Variants in OMA1 observed in about 807,000 individuals in gnomAD.
The protein encoded by OMA1 is metalloendopeptidase OMA1, mitochondrial.
In OMA1, 38 loss-of-function variants were observed where a neutral mutation model predicts 30.9. The observed-to-expected ratio is 1.23, with a 90% CI of 0.95 to 1.61. The LOEUF (loss-of-function observed/expected upper bound fraction) is 1.61. OMA1 is among the 40% of genes most tolerant of loss of function. OMA1 has a pLI of 0.00. For synonymous variants in OMA1, 173 were observed against 121.9 expected, an observed-to-expected ratio of 1.42 and a Z score of -2.76; for missense variants, 461 against 349.2, an observed-to-expected ratio of 1.32 and a Z score of -2.55.
intron 8 of OMA1, among the ~76,000 whole-genome samples, chr1:58,491,885 G>T (rs1645699397): frequency 6.6e-6 from 1 of 152,116 alleles, no homozygotes; most frequent in African/African-American, 2.4e-5. Flanking sequence ...GGATATCCAG[G>T]AATTGAACTC....
intron 2 of OMA1, among the ~76,000 whole-genome samples, chr1:58,538,540 A>C (rs1429256404): frequency 6.6e-6 from 1 of 152,170 alleles, no homozygotes; most frequent in Non-Finnish European, 1.5e-5. Context: ...TTTTAAAGAG[A>C]TATTTCTATA....
At chr1:58,541,868 T>A (rs1646627174) in intron 1 of OMA1, among the ~76,000 whole-genome samples, 2 of 152,146 alleles carry the variant, frequency 1.3e-5, no homozygotes, top group African/African-American at 4.8e-5. Flanking sequence ...AAACAAAATA[T>A]CAGCAATCAT....
intron 8 of OMA1, among the ~76,000 whole-genome samples, chr1:58,497,431 T>C (rs1645822004): frequency 6.6e-6 from 1 of 152,174 alleles, no homozygotes; most frequent in African/African-American, 2.4e-5. Context: ...GTTATGATTA[T>C]GGAAGAAAAT....
In OMA1 at chr1:58,527,334, T is replaced by A; in HGVS notation, c.1142A>T (p.Tyr381Phe). The change falls in exon 7 of 9, where the codon TAT becomes TTT. Residue 381 changes from tyrosine (Y) to phenylalanine (F), a missense_variant and splice_region_variant. Transcript: ENST00000371226. ...CQWIQSKLQE[Y>F]MFNRPYSRKL... The stretch of plus-strand genomic sequence containing the variant: ...TCTGCTGTATGGTCTATTAAACATA[T>A]ACTAAGAAGAAATGACAGAAAAGCT... 1.1e-6 allele frequency: 1 copy of A among 871,664 alleles called. No homozygotes were observed. The allele number at this position is 871,664 out of a possible 1,614,324, so 54.0% of individuals were successfully genotyped here.
At chr1:58,533,261 G>T (rs1646464687) in intron 5 of OMA1, among the ~76,000 whole-genome samples, 1 of 152,212 alleles carries the variant, frequency 6.6e-6, no homozygotes, top group African/African-American at 2.4e-5. Context: ...CCAGGTAACT[G>T]TAGTGAAAGG....
At chr1:58,534,124 A>G (rs774299098) in intron 4 of OMA1, 34 bp downstream of exon 4, 2 of 867,112 alleles carry the variant, frequency 2.3e-6, no homozygotes, top group African/African-American at 1.6e-5. Flanking sequence ...CAATAAATTT[A>G]ACAATTACAA....
At position 58,538,924 on chromosome 1, in the gene OMA1, G is replaced by A. The variant is rs1250637279; in HGVS notation, c.371C>T (p.Pro124Leu). ...AGCTCTTATGGAAGCAGGGCTTAGA[G>A]GATGCAATACTGACAGACTAGGGAC... ...TAVPSLSVLH[P>L]LSPASIRAIR... is the part of the protein sequence containing the mutation. Residue 124 changes from proline to leucine, a missense_variant, in exon 2 of 9, where the codon CCT becomes CTT. Physicochemically the swap from Pro to Leu is moderately conservative, Grantham distance 98. Transcript: ENST00000371226. 1 of 872,892 alleles carries A rather than the reference G, an allele frequency of 1.1e-6. No homozygotes were observed. Among genetic ancestry groups the A allele is most frequent in the South Asian group, 1.3e-5 (1 of 76,536 alleles). The allele number at this position is 872,892 out of a possible 1,614,324, so 54.1% of individuals were successfully genotyped here.
intron 8 of OMA1, among the ~76,000 whole-genome samples, chr1:58,485,741 T>C (rs1301962502): frequency 2.0e-5 from 3 of 152,180 alleles, no homozygotes; most frequent in Admixed American, 6.5e-5. Flanking sequence ...ACCATATAGC[T>C]AGAATATGTC....
rs554038721 is a variant in OMA1 at position 58,516,926 on chromosome 1, C to T, written c.1215+10335G>A. Among the ~76,000 whole-genome samples the T allele has an allele frequency of 3.3e-5, 5 of 152,188 alleles. No individual in the cohort carries two copies. The South Asian group carries it at 1.0e-3, about 32-fold the overall frequency. ...TAGGCATGCTACAGAGGAAGCCAGG[C>T]TGTAATCAGAAGGTTGCCTAGGAAG... is the stretch of plus-strand genomic sequence containing the variant. On this transcript the variant is annotated intron_variant, in intron 7 of 8. Coordinates refer to ENST00000371226, the MANE Select transcript of OMA1 (RefSeq NM_145243.5).
intron 1 of OMA1, among the ~76,000 whole-genome samples, chr1:58,539,719 C>A (rs7535313): frequency 2.0e-5 from 3 of 152,020 alleles, no homozygotes; most frequent in African/African-American, 7.3e-5. Flanking sequence ...CTGGACATTA[C>A]GCAATGAAGA....
chr1:58,488,179 A>T (rs972755060), intron 8 of OMA1, among the ~76,000 whole-genome samples: 5 of 152,148 alleles, frequency 3.3e-5, no homozygotes, highest in African/African-American at 1.2e-4. Context: ...ATTGATTACA[A>T]GCCATCCTCT....
At chr1:58,493,886 A>G (rs199842507) in intron 8 of OMA1, among the ~76,000 whole-genome samples, 23,188 of 150,694 alleles carry the variant, frequency 0.15, 2,023 homozygotes, top group Admixed American at 0.26. Context: ...CAAGCTACCA[A>G]TGACTTTCTT....
At position 58,485,228 on chromosome 1, in the gene OMA1, T is replaced by TAAAAAAAA. The variant is rs71043289; in HGVS notation, c.1366-4062_1366-4055dup. On this transcript the variant is annotated intron_variant, in intron 8 of 8. Transcript: ENST00000371226. ...GTCTAAAAATAAAAGAGTCTACTAC[T>TAAAAAAAA]AAAAAAAAAAAAAAAAAAAAAAAAA... Among the ~76,000 whole-genome samples the TAAAAAAAA allele has an allele frequency of 2.2e-3, 93 of 42,044 alleles. 4 individuals are homozygous for TAAAAAAAA. The highest frequency in any genetic ancestry group is 8.3e-3 in the African/African-American group (85 of 10,278). The allele number at this position is 42,044 out of a possible 152,430, so 27.6% of individuals were successfully genotyped here.
At chr1:58,534,549 T>A (rs1646486773) in intron 3 of OMA1, among the ~76,000 whole-genome samples, 1 of 152,238 alleles carries the variant, frequency 6.6e-6, no homozygotes, top group Non-Finnish European at 1.5e-5. Flanking sequence ...TAAGTTTTTT[T>A]ATGAATAGAT....
intron 1 of OMA1, chr1:58,541,614 C>CAAAAAAAAAAAAAAAAAAAAAAAA (rs60360589): frequency 5.5e-4 from 36 of 65,616 alleles, no homozygotes; most frequent in East Asian, 7.1e-4. Flanking sequence ...GAGAACCTGT[C>CAAAAAAAAAAAAAAAAAAAAAAAA]AAAAAAAAAA....
chr1:58,487,743 T>C lies in OMA1; in HGVS notation c.1366-6569A>G, dbSNP rs547184711. Among the ~76,000 whole-genome samples, 248 of 152,320 alleles carry C rather than the reference T, an allele frequency of 1.6e-3. 1 individual carries two copies. The highest frequency in any genetic ancestry group is 5.8e-3 in the African/African-American group (242 of 41,584). The stretch of plus-strand genomic sequence containing the variant: ...GTAATTTGAGAAGCTTCATTCTAGC[T>C]ATAATTTCTACTCCTAGCTGCATCC... On this transcript the variant is annotated intron_variant, in intron 8 of 8. Transcript: ENST00000371226.
chr1:58,535,079 T>G (rs1225918389), intron 3 of OMA1, among the ~76,000 whole-genome samples: 1 of 152,146 alleles, frequency 6.6e-6, no homozygotes, highest in African/African-American at 2.4e-5. Context: ...AAATAGACAT[T>G]TCATTAATTT....
chr1:58,540,003 T>C (rs61781823), intron 1 of OMA1, among the ~76,000 whole-genome samples: 20,479 of 152,064 alleles, frequency 0.13, 1,523 homozygotes, highest in African/African-American at 0.19. Context: ...TGTCTGGGCA[T>C]ATGTGTAAGA....
At chr1:58,544,986 C>T (rs1646678101) in intron 1 of OMA1, among the ~76,000 whole-genome samples, 1 of 152,146 alleles carries the variant, frequency 6.6e-6, no homozygotes, top group African/African-American at 2.4e-5. Flanking sequence ...ACTGATCATA[C>T]TGCACTGCGA....
Sources: gnomAD v4.1 joint callset for allele counts (sites outside exome capture counted in the v4.1 genomes callset) on GRCh38, gnomAD v4.1.1 for gene constraint, MANE v1.5 for transcripts, NCBI Gene and HGNC (gene_info 2026-07-23, HGNC 2026-07-21) for gene names.